Variants in VENTX observed in about 807,000 individuals in gnomAD.
The protein encoded by VENTX is homeobox protein VENTX.
VENTX carries 13 observed loss-of-function variants against 10.5 expected under a neutral mutation model. That is an observed-to-expected ratio of 1.23 (90% CI 0.80 to 1.96). The LOEUF is 1.96. Among genes scored for constraint, VENTX ranks in the 30% most tolerant of loss-of-function variants. VENTX has a pLI of 0.00. For missense variants in VENTX, 400 were observed against 341.8 expected, an observed-to-expected ratio of 1.17 and a Z score of -1.34; for synonymous variants, 177 against 150.4, an observed-to-expected ratio of 1.18 and a Z score of -1.29.
At position 133,240,051 on chromosome 10, in the gene VENTX, T is replaced by C; in HGVS notation, c.522T>C (p.Ser174=). 6.2e-7 allele frequency: 1 copy of C among 1,611,910 alleles called. No individual in the cohort carries two copies. The highest frequency in any genetic ancestry group is 8.5e-7 in the Non-Finnish European group (1 of 1,180,020). The part of the protein sequence containing the change: ...HAPPAFYSTS[S]GLANGLQLLC... The stretch of plus-strand genomic sequence containing the variant: ...CCCCAGCTTTCTACTCAACGTCTTC[T>C]GGCCTTGCCAATGGCCTGCAGCTGC... Residue 174 remains serine (S), a synonymous_variant, in exon 3 of 3, where the codon TCT becomes TCC. Coordinates refer to ENST00000325980, the MANE Select transcript of VENTX (RefSeq NM_014468.4).
rs45485699 is a variant in VENTX at position 133,239,971 on chromosome 10, C to T, written c.442C>T (p.Arg148Trp). ...WFQNRRMKHK[R>W]QMQDPQLHSP... ...TCAGAATCGCCGCATGAAACACAAA[C>T]GGCAAATGCAGGACCCCCAGCTGCA... Residue 148 changes from arginine to tryptophan, a missense_variant, in exon 3 of 3, where the codon CGG becomes TGG. Arg to Trp is a moderately radical substitution (Grantham distance 101). Transcript: ENST00000325980. The T allele has an allele frequency of 9.3e-6, 15 of 1,611,828 alleles. No individual in the cohort carries two copies. The highest frequency in any genetic ancestry group is 3.4e-5 in the Admixed American group (2 of 59,644).
In VENTX at chr10:133,240,372, C is replaced by T. The variant is rs1845917179; in HGVS notation, c.*66C>T. The T allele has an allele frequency of 6.7e-7, 1 of 1,502,894 alleles. No homozygotes were observed. Among genetic ancestry groups the T allele is most frequent in the South Asian group, 1.3e-5 (1 of 74,428 alleles). The allele number at this position is 1,502,894 out of a possible 1,614,324, so 93.1% of individuals were successfully genotyped here. On this transcript the variant is annotated 3_prime_UTR_variant, in exon 3 of 3. Coordinates refer to ENST00000325980, the MANE Select transcript of VENTX (RefSeq NM_014468.4). ...GCACCTGGCTCCTACCTGGAGGACT[C>T]AGTTGTTCTGTTTACATCCTGGTGG...
chr10:133,238,083 C>T lies in VENTX; in HGVS notation c.169C>T (p.Pro57Ser). The T allele has an allele frequency of 1.9e-6, 3 of 1,598,370 alleles. No homozygotes were observed. The highest frequency in any genetic ancestry group is 2.6e-6 in the Non-Finnish European group (3 of 1,174,242). Residue 57 changes from proline to serine, a missense_variant, in exon 1 of 3, where the codon CCC (proline) becomes TCC (serine). Pro to Ser is a moderately conservative substitution (Grantham distance 74). Transcript: ENST00000325980. ...AGGCCAGACATCCGGCGCCCGGGAG[C>T]CCCCTCAGGCCGTCAGCATCAAGGA... Reference protein sequence around the residue: ...GPGQTSGAREPPQAVSIKEAA... With the variant: ...GPGQTSGARESPQAVSIKEAA...
At chr10:133,239,882 T>C (rs1255979726) in intron 2 of VENTX, 46 bp downstream of exon 2, 1 of 1,598,940 alleles carries the variant, frequency 6.3e-7, no homozygotes, top group Non-Finnish European at 8.5e-7. Flanking sequence ...TGGGCAAGGG[T>C]GGGCTGGTGG....
chr10:133,240,123 C>G lies in VENTX; in HGVS notation c.594C>G (p.Pro198=), dbSNP rs765876200. ...CCGGGCCCCAGGCTCTGATGCTGCC[C>G]CCTGGCTCCTTCTGGGGTCTCTGCC... The part of the protein sequence containing the change: ...PLSGPQALML[P]PGSFWGLCQV... Residue 198 remains proline (P), a synonymous_variant, in exon 3 of 3, where the codon CCC becomes CCG. Transcript: ENST00000325980. 2.5e-6 allele frequency: 4 copies of G among 1,610,162 alleles called. No individual in the cohort carries two copies. In the South Asian group the frequency reaches 4.4e-5, roughly 18 times the overall value.
Position 133,237,889 on chromosome 10 carries a change from C to G in VENTX, c.-26C>G. 2 of 1,559,344 alleles carry G rather than the reference C, an allele frequency of 1.3e-6. No homozygotes were observed. The highest frequency in any genetic ancestry group is 1.4e-5 in the African/African-American group (1 of 73,728). ...CCTGCGCCTGGCCAGCCCCGCCTGG[C>G]CTTCCCTCCGGCCCACCTGGCCGCC... On this transcript the variant is annotated 5_prime_UTR_variant, in exon 1 of 3. Coordinates refer to ENST00000325980, the MANE Select transcript of VENTX (RefSeq NM_014468.4).
chr10:133,239,767 G>A lies in VENTX; in HGVS notation c.333G>A (p.Gln111=), dbSNP rs138892673. ...TCCGCACCTTGGAGGGCGTCTTCCA[G>A]CACCACCAGTACCTGAGCCCTCTGG... ...EQVRTLEGVF[Q]HHQYLSPLER... Residue 111 remains glutamine, a synonymous_variant, in exon 2 of 3, where the codon CAG becomes CAA. Coordinates refer to ENST00000325980, the MANE Select transcript of VENTX (RefSeq NM_014468.4). 1,171 of 1,608,720 alleles carry A rather than the reference G, an allele frequency of 7.3e-4. 9 individuals are homozygous for A. In the African/African-American group the frequency reaches 0.014, roughly 19 times the overall value.
rs958607399 is a variant in VENTX at position 133,241,504 on chromosome 10, A to G, written c.*1198A>G. The G allele has an allele frequency of 1.1e-4, 16 of 152,268 alleles. 1 individual carries two copies. 9.4% of individuals were successfully genotyped at this position (152,268 alleles called of 1,614,324 possible). A position where few individuals can be genotyped will look rare whatever the true frequency, so the allele number is the denominator to read the frequency against. ...TTGGTGCAGACTCCTGACTGCGTGC[A>G]TGAAACCTGAGACAAGTGCAATTCC... On this transcript the variant is annotated 3_prime_UTR_variant, in exon 3 of 3. Coordinates refer to ENST00000325980, the MANE Select transcript of VENTX (RefSeq NM_014468.4).
rs556106502 is a variant in VENTX, at chr10:133,241,241, G to A, written c.*935G>A. On this transcript the variant is annotated 3_prime_UTR_variant, in exon 3 of 3. Coordinates refer to ENST00000325980, the MANE Select transcript of VENTX (RefSeq NM_014468.4). ...GGGACTGTACCCACAGCTTGCTGAG[G>A]GCTGCTCTTCTTGGGCCAGGGAAAG... The A allele has an allele frequency of 1.3e-5, 2 of 153,410 alleles. No individual in the cohort carries two copies. Among genetic ancestry groups the A allele is most frequent in the Non-Finnish European group, 2.9e-5 (2 of 68,208 alleles). 9.5% of individuals were successfully genotyped at this position (153,410 alleles called of 1,614,324 possible). A position where few individuals can be genotyped will look rare whatever the true frequency, so the allele number is the denominator to read the frequency against.
chr10:133,241,515 G>A lies in VENTX; in HGVS notation c.*1209G>A, dbSNP rs1420660361. On this transcript the variant is annotated 3_prime_UTR_variant, in exon 3 of 3. Transcript: ENST00000325980. The stretch of plus-strand genomic sequence containing the variant: ...TCCTGACTGCGTGCATGAAACCTGA[G>A]ACAAGTGCAATTCCTTCCATGTCGC... 4 of 152,270 alleles carry A rather than the reference G, an allele frequency of 2.6e-5. No homozygotes were observed. The highest frequency in any genetic ancestry group is 5.9e-5 in the Non-Finnish European group (4 of 68,062). 9.4% of individuals were successfully genotyped at this position (152,270 alleles called of 1,614,324 possible). A position where few individuals can be genotyped will look rare whatever the true frequency, so the allele number is the denominator to read the frequency against.
At chr10:133,239,501 G>C (rs1166648246) in intron 1 of VENTX, among the ~76,000 whole-genome samples, 175 bp from the exon 2 acceptor site, 1 of 152,188 alleles carries the variant, frequency 6.6e-6, no homozygotes, top group Non-Finnish European at 1.5e-5. Context: ...CCCCCTCTCT[G>C]AGCCCCCTTT....
At position 133,239,846 on chromosome 10, in the gene VENTX, G is replaced by C. The variant is rs1284668659; in HGVS notation, c.402+10G>C. The C allele has an allele frequency of 6.2e-7, 1 of 1,603,906 alleles. No homozygotes were observed. Among genetic ancestry groups the C allele is most frequent in the Non-Finnish European group, 8.5e-7 (1 of 1,174,072 alleles). ...GCTCTCAGAGGTCCAGGTGAGGTGG[G>C]CCGGGCAGGCTGGGGTGGGCAGGGG... On this transcript the variant is annotated intron_variant, in intron 2 of 2. Coordinates refer to ENST00000325980, the MANE Select transcript of VENTX (RefSeq NM_014468.4).
In VENTX at chr10:133,240,524, G is replaced by GTGTGTATATATATATATATA. The variant is rs142105196; in HGVS notation, c.*219_*220insGTGTATATATATATATATAT. On this transcript the variant is annotated 3_prime_UTR_variant, in exon 3 of 3. Transcript: ENST00000325980. ...TAAATATATATATACATATGTGTGTGTATATATATATATATTTTTTTTTTT... is the reference window on the plus strand; with the variant it reads ...TAAATATATATATACATATGTGTGTGTGTGTATATATATATATATATATATATATATATATTTTTTTTTTT... The GTGTGTATATATATATATATA allele has an allele frequency of 2.9e-5, 2 of 68,782 alleles. No homozygotes were observed. Among genetic ancestry groups the GTGTGTATATATATATATATA allele is most frequent in the African/African-American group, 7.3e-5 (1 of 13,780 alleles). The allele number at this position is 68,782 out of a possible 1,614,324, so 4.3% of individuals were successfully genotyped here.
chr10:133,237,957 T>G lies in VENTX; in HGVS notation c.43T>G (p.Ser15Ala). 4 of 1,599,710 alleles carry G rather than the reference T, an allele frequency of 2.5e-6. No individual in the cohort carries two copies. The highest frequency in any genetic ancestry group is 3.4e-6 in the Non-Finnish European group (4 of 1,177,740). ...CCCACCTCGTGGCCCGCAGCAGCTCTCCAGCTTTGGCTCCGTGGACTGGCT... is the reference window on the plus strand; with the variant it reads ...CCCACCTCGTGGCCCGCAGCAGCTCGCCAGCTTTGGCTCCGTGGACTGGCT... ...SSPPRGPQQL[S>A]SFGSVDWLSQ... Residue 15 changes from serine to alanine, a missense_variant, in exon 1 of 3, where the codon TCC (serine) becomes GCC (alanine). By Grantham distance (99) the Ser-to-Ala change is moderately conservative (BLOSUM62 1). Coordinates refer to ENST00000325980, the MANE Select transcript of VENTX (RefSeq NM_014468.4).
At chr10:133,238,737 C>T (rs923576633) in intron 1 of VENTX, among the ~76,000 whole-genome samples, 1 of 152,142 alleles carries the variant, frequency 6.6e-6, no homozygotes, top group Non-Finnish European at 1.5e-5. Context: ...AGGTTCTCTG[C>T]GTTTGTGTTT....
chr10:133,238,251 G>T (rs918341811), intron 1 of VENTX, 96 bp downstream of exon 1: 46 of 1,427,812 alleles, frequency 3.2e-5, no homozygotes, highest in Non-Finnish European at 4.2e-5. Flanking sequence ...GCGGTGCCCT[G>T]CCCACTAGGT....
At chr10:133,239,021 A>G (rs550871248) in intron 1 of VENTX, among the ~76,000 whole-genome samples, 2 of 152,262 alleles carry the variant, frequency 1.3e-5, no homozygotes, top group South Asian at 2.1e-4. Context: ...TGGGTCTACC[A>G]TGTGCTTTCA....
rs1385510621 is a variant in VENTX at position 133,241,744 on chromosome 10, A to G, written c.*1438A>G. ...TGTTTACAACTGGCATGTGCTTTTAAACGTCAGGTAAGAGGGGAACAGCTG... is the reference window on the plus strand; with the variant it reads ...TGTTTACAACTGGCATGTGCTTTTAGACGTCAGGTAAGAGGGGAACAGCTG... On this transcript the variant is annotated 3_prime_UTR_variant, in exon 3 of 3. Transcript: ENST00000325980. 1 of 152,230 alleles carries G rather than the reference A, an allele frequency of 6.6e-6. No homozygotes were observed. The highest frequency in any genetic ancestry group is 1.5e-5 in the Non-Finnish European group (1 of 68,048). The allele number at this position is 152,230 out of a possible 1,614,324, so 9.4% of individuals were successfully genotyped here. A position where few individuals can be genotyped will look rare whatever the true frequency, so the allele number is the denominator to read the frequency against.
rs1487807636 is a variant in VENTX at position 133,240,747 on chromosome 10, G to C, written c.*441G>C. On this transcript the variant is annotated 3_prime_UTR_variant, in exon 3 of 3. Transcript: ENST00000325980. ...TTTAGTAGAAATGGGGTTTCACCAT[G>C]TTAGCCAGGCTGGTCTCAAACTCCT... 6.6e-6 allele frequency: 1 copy of C among 151,820 alleles called. No homozygotes were observed. The highest frequency in any genetic ancestry group is 1.5e-5 in the Non-Finnish European group (1 of 67,980). 9.4% of individuals were successfully genotyped at this position (151,820 alleles called of 1,614,324 possible).
Sources: gnomAD v4.1 joint callset for allele counts (sites outside exome capture counted in the v4.1 genomes callset) on GRCh38, gnomAD v4.1.1 for gene constraint, MANE v1.5 for transcripts, NCBI Gene and HGNC (gene_info 2026-07-23, HGNC 2026-07-21) for gene names.